Variants in B4GALNT4 observed in about 807,000 individuals in gnomAD.
B4GALNT4 encodes N-acetyl-beta-glucosaminyl-glycoprotein 4-beta-N-acetylgalactosaminyltransferase 1.
B4GALNT4 carries 77 observed loss-of-function variants against 110.0 expected under a neutral mutation model. The observed-to-expected ratio is 0.70, with a 90% confidence interval of 0.58 to 0.85. The LOEUF is 0.85. Among genes scored for constraint, B4GALNT4 ranks in the 40% least tolerant of loss-of-function variants. The pLI, the probability that B4GALNT4 is intolerant of heterozygous loss-of-function variation, is 0.00. For synonymous variants in B4GALNT4, 785 were observed against 655.5 expected (o/e 1.20, Z -3.02); for missense variants, 1,575 against 1,506.0 (o/e 1.05, Z -0.76).
intron 1 of B4GALNT4, among the ~76,000 whole-genome samples, chr11:370,966 A>G (rs913289312): frequency 6.6e-6 from 1 of 152,126 alleles, no homozygotes; most frequent in East Asian, 1.9e-4. Flanking sequence ...GAGACCCCCG[A>G]TACTGCTGAA....
intron 6 of B4GALNT4, 44 bp downstream of exon 6, chr11:373,335 C>G: frequency 6.3e-7 from 1 of 1,588,006 alleles, no homozygotes; most frequent in Non-Finnish European, 8.6e-7. Context: ...CCTCCTGCAG[C>G]TCAGTCACCT....
Position 376,343 on chromosome 11 carries a change from A to G in B4GALNT4, c.1289A>G (p.Asn430Ser), listed in dbSNP as rs111622783. 7,197 of 1,608,066 alleles carry G rather than the reference A, an allele frequency of 4.5e-3. 289 individuals carry two copies. The African/African-American group carries it at 0.084, about 19-fold the overall frequency. ...EVQRRAFLFL[N>S]PDDFLDDEDE... ...CAGCGCCGAGCCTTCCTCTTCCTCAACCCGGACGGTGAGTGTCCGCAGCGC... is the reference window on the plus strand; with the variant it reads ...CAGCGCCGAGCCTTCCTCTTCCTCAGCCCGGACGGTGAGTGTCCGCAGCGC... The change falls in exon 13 of 20, where the codon AAC (asparagine) becomes AGC (serine). Residue 430 changes from asparagine to serine, a missense_variant. By Grantham distance (46) the Asn-to-Ser change is conservative. Transcript: ENST00000329962.
In B4GALNT4 at chr11:376,497, C is replaced by A; in HGVS notation, c.1374C>A (p.Gly458=). ...CCGAGGCGGCCCCGCCCAGGAGCGG[C>A]CCCCAGTCCCCCGCCCCAGCAGCCC... The part of the protein sequence containing the change: ...EPTEAAPPRS[G]PQSPAPAAPA... Residue 458 remains glycine (G), a synonymous_variant, in exon 14 of 20, where the codon GGC becomes GGA. Transcript: ENST00000329962. The A allele has an allele frequency of 1.3e-6, 2 of 1,541,022 alleles. No homozygotes were observed. The highest frequency in any genetic ancestry group is 1.7e-6 in the Non-Finnish European group (2 of 1,151,374).
At position 373,508 on chromosome 11, in the gene B4GALNT4, G is replaced by T. The variant is rs1846662561; in HGVS notation, c.696G>T (p.Lys232Asn). Reference sequence around the variant, plus strand: ...CCAAGTTCAGCTCCCAGGTGTCCAAGCCCAGGCGGTGAGTGACTGTGGGGT... The same window carrying T: ...CCAAGTTCAGCTCCCAGGTGTCCAATCCCAGGCGGTGAGTGACTGTGGGGT... ...EFTKFSSQVS[K>N]PRRLMASRRY... Residue 232 changes from lysine to asparagine, a missense_variant, in exon 7 of 20, where the codon AAG becomes AAT. Transcript: ENST00000329962. 1 of 1,611,186 alleles carries T rather than the reference G, an allele frequency of 6.2e-7. No homozygotes were observed. The highest frequency in any genetic ancestry group is 1.3e-5 in the African/African-American group (1 of 74,692).
intron 1 of B4GALNT4, 55 bp downstream of exon 1, chr11:370,009 G>A (rs1846584545): frequency 6.4e-6 from 1 of 156,106 alleles, no homozygotes; most frequent in Non-Finnish European, 1.1e-5. Context: ...CGGGGGGCGC[G>A]GGGGGCGCGG....
intron 12 of B4GALNT4, 34 bp from the exon 13 acceptor site, chr11:376,217 C>T (rs762819390): frequency 6.2e-6 from 4 of 648,300 alleles, no homozygotes; most frequent in Non-Finnish European, 1.1e-5. Context: ...GTGGGCGGGG[C>T]GGGACTCGGC....
chr11:381,039 G>C (rs1846865762), intron 19 of B4GALNT4, 88 bp downstream of exon 19: 1 of 1,524,958 alleles, frequency 6.6e-7, no homozygotes, highest in Admixed American at 2.0e-5. Flanking sequence ...TGCCCCCCAC[G>C]GCGCCCACAT....
rs369968133 is a variant in B4GALNT4 at position 376,244 on chromosome 11, G to A, written c.1197-7G>A. On this transcript the variant is annotated splice_region_variant and splice_polypyrimidine_tract_variant and intron_variant, in intron 12 of 19. Transcript: ENST00000329962. ...GGACTCGGCTCTGATGCCCCGCCGC[G>A]CCCCAGGTTTGGGTTCTATAAATAC... 3.1e-4 allele frequency: 496 copies of A among 1,607,696 alleles called. 1 individual carries two copies. The highest frequency in any genetic ancestry group is 4.0e-4 in the Non-Finnish European group (474 of 1,176,942).
At position 372,927 on chromosome 11, in the gene B4GALNT4, C is replaced by CTGAGGAGGA. The variant is rs780464002; in HGVS notation, c.424_425insTGAGGAGGA (p.His142delinsLeuArgArgAsn). 6.2e-7 allele frequency: 1 copy of CTGAGGAGGA among 1,611,968 alleles called. No homozygotes were observed. The highest frequency in any genetic ancestry group is 8.5e-7 in the Non-Finnish European group (1 of 1,179,744). On this transcript the variant is annotated protein_altering_variant, in exon 4 of 20. Transcript: ENST00000329962. ...CGTGGGCCACCTGAGGAGGAACCTG[C>CTGAGGAGGA]ACTTCCCGCTGTTCCCTCATGTGAG... is the stretch of plus-strand genomic sequence containing the variant.
chr11:376,713 G>T lies in B4GALNT4; in HGVS notation c.1590G>T (p.Val530=). ...QPPPKVYVTR[V]RPGQRASPRA... is the part of the protein sequence containing the mutation. ...CCCCAAAGGTGTACGTGACCAGGGT[G>T]CGGCCGGGACAGCGGGCATCCCCCC... Residue 530 remains valine, a synonymous_variant, in exon 14 of 20, where the codon GTG becomes GTT. Coordinates refer to ENST00000329962, the MANE Select transcript of B4GALNT4 (RefSeq NM_178537.5). 1.4e-6 allele frequency: 2 copies of T among 1,412,192 alleles called. No individual in the cohort carries two copies. The highest frequency in any genetic ancestry group is 1.8e-6 in the Non-Finnish European group (2 of 1,089,154). 87.5% of individuals were successfully genotyped at this position (1,412,192 alleles called of 1,614,324 possible). A position where few individuals can be genotyped will look rare whatever the true frequency, so the allele number is the denominator to read the frequency against.
At chr11:377,432 A>G in intron 14 of B4GALNT4, 105 bp downstream of exon 14, 1 of 1,260,528 alleles carries the variant, frequency 7.9e-7, no homozygotes, top group East Asian at 3.1e-5. Flanking sequence ...CCCAGGGCCC[A>G]GTGGTGTACC....
Position 376,819 on chromosome 11 carries a change from C to T in B4GALNT4, c.1696C>T (p.Arg566Trp), listed in dbSNP as rs1417738507. The change falls in exon 14 of 20, where the codon CGG (arginine) becomes TGG (tryptophan). Residue 566 changes from arginine (R) to tryptophan (W), a missense_variant. Physicochemically the swap from Arg to Trp is moderately radical, Grantham distance 101. Transcript: ENST00000329962. ...CAGGCCTCTGCCCAGAGTGCAGCTG[C>T]GGGCGCCCCCACGCCCACCCCGGCC... ...HPRPLPRVQL[R>W]APPRPPRPHG... The T allele has an allele frequency of 7.4e-6, 10 of 1,354,504 alleles. No individual in the cohort carries two copies. Among genetic ancestry groups the T allele is most frequent in the Non-Finnish European group, 8.6e-6 (9 of 1,051,862 alleles). 83.9% of individuals were successfully genotyped at this position (1,354,504 alleles called of 1,614,324 possible). A position where few individuals can be genotyped will look rare whatever the true frequency, so the allele number is the denominator to read the frequency against.
rs1307679344 is a variant in B4GALNT4, at chr11:376,887, G to A, written c.1764G>A (p.Arg588=). 7.4e-7 allele frequency: 1 copy of A among 1,349,380 alleles called. No individual in the cohort carries two copies. Among genetic ancestry groups the A allele is most frequent in the African/African-American group, 1.5e-5 (1 of 64,624 alleles). The allele number at this position is 1,349,380 out of a possible 1,614,324, so 83.6% of individuals were successfully genotyped here. The change falls in exon 14 of 20, where the codon AGG becomes AGA. Residue 588 remains arginine, a synonymous_variant. Transcript: ENST00000329962. ...RTGGPQATQP[R]PPARAQATQG... ...GCGGCCCCCAGGCCACACAGCCGAG[G>A]CCCCCAGCCCGGGCGCAGGCCACCC...
At chr11:370,144 T>A (rs1209529342) in intron 1 of B4GALNT4, among the ~76,000 whole-genome samples, 190 bp downstream of exon 1, 1 of 147,850 alleles carries the variant, frequency 6.8e-6, no homozygotes, top group Non-Finnish European at 1.5e-5. Flanking sequence ...TTCTCCGCTC[T>A]GCGATTTGGG....
At position 377,292 on chromosome 11, in the gene B4GALNT4, T is replaced by C. The variant is rs773520534; in HGVS notation, c.2169T>C (p.Ala723=). Residue 723 remains alanine (A), a synonymous_variant, in exon 14 of 20, where the codon GCT becomes GCC. Coordinates refer to ENST00000329962, the MANE Select transcript of B4GALNT4 (RefSeq NM_178537.5). Reference sequence around the variant, plus strand: ...AGGCGGAGGCCGTGGACGTGACCGCTCAGTACATGGAGCGGCTGAACGCGC... The same window carrying C: ...AGGCGGAGGCCGTGGACGTGACCGCCCAGTACATGGAGCGGCTGAACGCGC... ...LPEAEAVDVT[A]QYMERLNARH... is the part of the protein sequence containing the mutation. The C allele has an allele frequency of 6.3e-7, 1 of 1,588,016 alleles. No homozygotes were observed. Among genetic ancestry groups the C allele is most frequent in the East Asian group, 2.3e-5 (1 of 43,652 alleles).
rs774958935 is a variant in B4GALNT4, at chr11:377,050, G to A, written c.1927G>A (p.Gly643Ser). ...QVSGPQLPGE[G>S]EEEEEGEDDG... ...GTCCGGGCCGCAGCTGCCCGGGGAG[G>A]GCGAAGAGGAGGAGGAAGGGGAGGA... The change falls in exon 14 of 20, where the codon GGC becomes AGC. Residue 643 changes from glycine (G) to serine (S), a missense_variant. Coordinates refer to ENST00000329962, the MANE Select transcript of B4GALNT4 (RefSeq NM_178537.5). 92 of 1,439,610 alleles carry A rather than the reference G, an allele frequency of 6.4e-5. No homozygotes were observed. The highest frequency in any genetic ancestry group is 7.8e-5 in the Non-Finnish European group (86 of 1,097,116). The allele number at this position is 1,439,610 out of a possible 1,614,324, so 89.2% of individuals were successfully genotyped here. A position where few individuals can be genotyped will look rare whatever the true frequency, so the allele number is the denominator to read the frequency against.
chr11:381,810 C>T lies in B4GALNT4; in HGVS notation c.*18C>T. On this transcript the variant is annotated 3_prime_UTR_variant, in exon 20 of 20. Coordinates refer to ENST00000329962, the MANE Select transcript of B4GALNT4 (RefSeq NM_178537.5). ...CGTCTTGAGGACGGGCAGCCCCTCC[C>T]AGCCCCGGTGGGAGTCCCGAGGCAG... The T allele has an allele frequency of 6.4e-7, 1 of 1,564,766 alleles. No individual in the cohort carries two copies. The highest frequency in any genetic ancestry group is 2.4e-5 in the East Asian group (1 of 41,014).
rs758709807 is a variant in B4GALNT4 at position 377,332 on chromosome 11, G to C, written c.2204+5G>C. ...GCTGAACGCGCGCCACGGCGGGTATGGGGGCGGCCGAACGCGCGCCAGGGC... is the reference window on the plus strand; with the variant it reads ...GCTGAACGCGCGCCACGGCGGGTATCGGGGCGGCCGAACGCGCGCCAGGGC... On this transcript the variant is annotated splice_donor_5th_base_variant and intron_variant, in intron 14 of 19. Transcript: ENST00000329962. 4 of 1,511,278 alleles carry C rather than the reference G, an allele frequency of 2.6e-6. No homozygotes were observed. The highest frequency in any genetic ancestry group is 3.5e-6 in the Non-Finnish European group (4 of 1,134,024). 93.6% of individuals were successfully genotyped at this position (1,511,278 alleles called of 1,614,324 possible). A position where few individuals can be genotyped will look rare whatever the true frequency, so the allele number is the denominator to read the frequency against.
intron 1 of B4GALNT4, among the ~76,000 whole-genome samples, chr11:370,964 C>T (rs551669114): frequency 8.5e-5 from 13 of 152,270 alleles, no homozygotes; most frequent in Admixed American, 6.5e-5. Context: ...AAGAGACCCC[C>T]GATACTGCTG....
Sources: allele counts gnomAD v4.1 joint callset (sites outside exome capture counted in the v4.1 genomes callset), GRCh38; gene constraint gnomAD v4.1.1; transcripts MANE v1.5; gene names NCBI Gene and HGNC (gene_info 2026-07-23, HGNC 2026-07-21).